CACNB2: variants seen among roughly 807,000 people sequenced by gnomAD.
CACNB2 encodes the protein calcium voltage-gated channel auxiliary subunit beta 2.
In CACNB2, 42 loss-of-function variants were observed where a neutral mutation model predicts 73.3. That is an observed-to-expected ratio of 0.57 (90% CI 0.45 to 0.74). The LOEUF is 0.74. Ranked by LOEUF, CACNB2 falls within the 30% of genes least tolerant of loss-of-function variation. The pLI, the probability that CACNB2 is intolerant of heterozygous loss-of-function variation, is 0.00. For synonymous variants in CACNB2, 348 were observed against 310.3 expected (o/e 1.12, Z -1.28); for missense variants, 940 against 853.0 (o/e 1.10, Z -1.27).
At chr10:18,171,521 GA>G (rs370201485) in intron 2 of CACNB2, among the ~76,000 whole-genome samples, 20 of 32,602 alleles carry the variant, frequency 6.1e-4, no homozygotes, top group Admixed American at 3.0e-3. Context: ...TTTGATAGCA[GA>G]AAAAAAAAAA....
intron 2 of CACNB2, among the ~76,000 whole-genome samples, chr10:18,395,901 C>G (rs538157714): frequency 6.6e-6 from 1 of 152,250 alleles, no homozygotes; most frequent in East Asian, 1.9e-4. Flanking sequence ...TCTTGGCACG[C>G]TATGTCATTT....
intron 1 of CACNB2, among the ~76,000 whole-genome samples, chr10:18,143,648 TGTGAG>T (rs1333520906): frequency 1.3e-5 from 2 of 152,204 alleles, no homozygotes; most frequent in African/African-American, 4.8e-5. Context: ...CATAGGATTG[TGTGAG>T]GCTTGGGAAA....
At chr10:18,446,908 A>T (rs1050387814) in intron 3 of CACNB2, among the ~76,000 whole-genome samples, 14 of 152,082 alleles carry the variant, frequency 9.2e-5, no homozygotes, top group Admixed American at 3.3e-4. Flanking sequence ...CTAAAAAAAT[A>T]AAAAATTAGG....
intron 10 of CACNB2, among the ~76,000 whole-genome samples, chr10:18,531,695 A>G (rs1347282592): frequency 6.6e-6 from 1 of 152,124 alleles, no homozygotes; most frequent in Non-Finnish European, 1.5e-5. Context: ...ACTTTTTAAT[A>G]ACAGCCATTC....
At chr10:18,293,774 G>A (rs1181350893) in intron 2 of CACNB2, among the ~76,000 whole-genome samples, 1 of 152,170 alleles carries the variant, frequency 6.6e-6, no homozygotes. Context: ...CCATATTACA[G>A]AGAATACAGT....
intron 2 of CACNB2, among the ~76,000 whole-genome samples, chr10:18,342,955 T>C (rs2041293571): frequency 1.3e-5 from 2 of 152,300 alleles, no homozygotes; most frequent in African/African-American, 4.8e-5. Context: ...AGTTTTTATA[T>C]CAGTTTCAGT....
At chr10:18,358,523 TC>T (rs2132194891) in intron 2 of CACNB2, among the ~76,000 whole-genome samples, 1 of 50,766 alleles carries the variant, frequency 2.0e-5, no homozygotes, top group Non-Finnish European at 4.4e-5. Flanking sequence ...TCTCTCTCTC[TC>T]TCTCTCTCTC....
chr10:18,399,060 T>G (rs1434740514), intron 2 of CACNB2, among the ~76,000 whole-genome samples: 2 of 152,190 alleles, frequency 1.3e-5, no homozygotes, highest in Non-Finnish European at 2.9e-5. Flanking sequence ...CCTCTCTTTA[T>G]GTACTTCCTG....
intron 2 of CACNB2, among the ~76,000 whole-genome samples, chr10:18,217,373 A>G (rs1342261593): frequency 6.6e-6 from 1 of 152,008 alleles, no homozygotes; most frequent in Non-Finnish European, 1.5e-5. Context: ...AGACCCAGTA[A>G]CTCGGTAGGC....
At chr10:18,258,023 C>A (rs780874798) in intron 2 of CACNB2, among the ~76,000 whole-genome samples, 3 of 152,158 alleles carry the variant, frequency 2.0e-5, no homozygotes, top group Non-Finnish European at 4.4e-5. Context: ...GGATTATAGG[C>A]GTGAGCCACC....
intron 2 of CACNB2, among the ~76,000 whole-genome samples, chr10:18,156,805 G>T (rs1309007989): frequency 6.6e-6 from 1 of 151,970 alleles, no homozygotes; most frequent in Non-Finnish European, 1.5e-5. Flanking sequence ...GAAGCAGGAG[G>T]GTCACCTGAG....
rs189279360 is a variant in CACNB2, at chr10:18,146,636, C to T, written c.121-4247C>T. Among the ~76,000 whole-genome samples, 591 of 152,182 alleles carry T rather than the reference C, an allele frequency of 3.9e-3. 6 individuals are homozygous for T. Among genetic ancestry groups the T allele is most frequent in the African/African-American group, 0.013 (553 of 41,512 alleles). ...GGTATCACAGGTGTCCGCCACCACGCCTGGCGAATTTTTTTGTATTTTTAG... is the reference window on the plus strand; with the variant it reads ...GGTATCACAGGTGTCCGCCACCACGTCTGGCGAATTTTTTTGTATTTTTAG... On this transcript the variant is annotated intron_variant, in intron 1 of 13. Coordinates refer to ENST00000324631, the MANE Select transcript of CACNB2 (RefSeq NM_201596.3).
At chr10:18,348,137 A>C in intron 2 of CACNB2, among the ~76,000 whole-genome samples, 1 of 152,238 alleles carries the variant, frequency 6.6e-6, no homozygotes, top group East Asian at 1.9e-4. Context: ...TCTGTTGACG[A>C]AATTGCCACT....
chr10:18,165,157 G>A (rs753579747), intron 2 of CACNB2, among the ~76,000 whole-genome samples: 2 of 152,166 alleles, frequency 1.3e-5, no homozygotes, highest in African/African-American at 4.8e-5. Context: ...AGAAGAGGGA[G>A]CATTGCCAAG....
At chr10:18,495,545 CTGTGTG>C (rs59858946) in intron 3 of CACNB2, among the ~76,000 whole-genome samples, 3,064 of 124,654 alleles carry the variant, frequency 0.025, 42 homozygotes, top group Middle Eastern at 0.035. Flanking sequence ...AGTATAAAAA[CTGTGTG>C]TGTGTGTGTG....
At chr10:18,398,955 G>T (rs932930959) in intron 2 of CACNB2, among the ~76,000 whole-genome samples, 7 of 152,096 alleles carry the variant, frequency 4.6e-5, no homozygotes, top group African/African-American at 1.7e-4. Context: ...TATTAGCAAA[G>T]GACTTTTTAT....
Position 18,536,257 on chromosome 10 carries a change from TTTTTTTTTTTTTTTTTGG to T in CACNB2, c.1302+62_1302+79del, listed in dbSNP as rs373992602. The stretch of plus-strand genomic sequence containing the variant: ...AGAGATCAGACCTTTTTTTTTTTTT[TTTTTTTTTTTTTTTTTGG>T]GGGACAAGGTCTTGCTCTGTTGCCC... On this transcript the variant is annotated intron_variant, in intron 12 of 13. Transcript: ENST00000324631. 2.5e-3 allele frequency: 1,697 copies of T among 667,820 alleles called. 41 individuals are homozygous for T. In the East Asian group the frequency reaches 0.055, roughly 22 times the overall value. The allele number at this position is 667,820 out of a possible 1,614,324, so 41.4% of individuals were successfully genotyped here.
intron 2 of CACNB2, among the ~76,000 whole-genome samples, chr10:18,345,103 G>A (rs1305573857): frequency 6.6e-6 from 1 of 152,018 alleles, no homozygotes; most frequent in Non-Finnish European, 1.5e-5. Flanking sequence ...TTATAATTTT[G>A]TTTTCATAGA....
intron 9 of CACNB2, among the ~76,000 whole-genome samples, chr10:18,520,333 AT>A (rs1263469978): frequency 6.6e-6 from 1 of 152,014 alleles, no homozygotes; most frequent in African/African-American, 2.4e-5. Flanking sequence ...TCTCTCTTAT[AT>A]TTCACATGCA....
Sources: gnomAD v4.1 joint callset for allele counts (sites outside exome capture counted in the v4.1 genomes callset) on GRCh38, gnomAD v4.1.1 for gene constraint, MANE v1.5 for transcripts, NCBI Gene and HGNC (gene_info 2026-07-23, HGNC 2026-07-21) for gene names.